The following CPXM2 variants were observed in gnomAD, a reference collection of about 807,000 sequenced individuals.
CPXM2 encodes the protein carboxypeptidase X, M14 family member 2.
CPXM2 carries 66 observed loss-of-function variants against 86.1 expected under a neutral mutation model. That is an observed-to-expected ratio of 0.77 (90% confidence interval 0.63 to 0.94). The LOEUF is 0.94. CPXM2 is among the 40% of genes least tolerant of loss of function. CPXM2 has a pLI of 0.00. For missense variants in CPXM2, 948 were observed against 1,026.3 expected (o/e 0.92, Z 1.04); for synonymous variants, 388 against 400.2 (o/e 0.97, Z 0.36).
At chr10:123,761,810 G>C (rs909957120) in intron 11 of CPXM2, 62 bp downstream of exon 11, 38 of 1,512,412 alleles carry the variant, frequency 2.5e-5, no homozygotes, top group African/African-American at 4.1e-5. Context: ...GGAGGGCCAG[G>C]AGGAGACCCC....
chr10:123,857,560 AGATGGAAG>A (rs1389237498), intron 3 of CPXM2, among the ~76,000 whole-genome samples: 2 of 122,190 alleles, frequency 1.6e-5, no homozygotes, highest in Non-Finnish European at 3.6e-5. Context: ...GGCGGCGTGG[AGATGGAAG>A]GCGGCGTGGA....
At chr10:123,781,406 T>A (rs552086771) in intron 6 of CPXM2, among the ~76,000 whole-genome samples, 3 of 152,142 alleles carry the variant, frequency 2.0e-5, no homozygotes, top group Non-Finnish European at 4.4e-5. Context: ...GGAGGGCAAC[T>A]GGGAAGAGAC....
Position 123,787,291 on chromosome 10 carries a change from A to T in CPXM2, c.890-7036T>A, listed in dbSNP as rs561893366. On this transcript the variant is annotated intron_variant, in intron 6 of 13. Coordinates refer to ENST00000241305, the MANE Select transcript of CPXM2 (RefSeq NM_198148.3). ...CCCAGGTGGGCTTGGCAGCATCAGAACCCATCTCACCCTCACTCTTGCTGG... is the reference window on the plus strand; with the variant it reads ...CCCAGGTGGGCTTGGCAGCATCAGATCCCATCTCACCCTCACTCTTGCTGG... 6.6e-5 allele frequency among the ~76,000 whole-genome samples: 10 copies of T among 152,246 alleles called. No individual in the cohort carries two copies. In the South Asian group the frequency reaches 1.2e-3, roughly 19 times the overall value.
chr10:123,892,789 AC>A (rs1240028823), upstream of CPXM2, among the ~76,000 whole-genome samples: 3 of 152,232 alleles, frequency 2.0e-5, no homozygotes, highest in East Asian at 5.8e-4. Flanking sequence ...CGGTAGTAGG[AC>A]TGACGTGCAG....
In CPXM2 at chr10:123,842,429, G is replaced by A; in HGVS notation, c.573C>T (p.Leu191=). Residue 191 remains leucine (L), a synonymous_variant, in exon 4 of 14, where the codon CTC becomes CTT. Coordinates refer to ENST00000241305, the MANE Select transcript of CPXM2 (RefSeq NM_198148.3). ...GAGCATCCACTTCAATCCACTGCTGGAGGTCATTTCTTCCCGCGCACCACG... is the reference window on the plus strand; with the variant it reads ...GAGCATCCACTTCAATCCACTGCTGAAGGTCATTTCTTCCCGCGCACCACG... ...DGAWCAGRND[L]QQWIEVDARR... The A allele has an allele frequency of 6.2e-7, 1 of 1,614,214 alleles. No individual in the cohort carries two copies. The highest frequency in any genetic ancestry group is 8.5e-7 in the Non-Finnish European group (1 of 1,180,040).
At position 123,754,586 on chromosome 10, in the gene CPXM2, T is replaced by G. The variant is rs575329666; in HGVS notation, c.2017+77A>C. ...TAAGACATTTCTGGCAGTCATTTCA[T>G]GATTGTAACCCAAGTAAAATGCCTA... is the stretch of plus-strand genomic sequence containing the variant. On this transcript the variant is annotated intron_variant, in intron 13 of 13. Transcript: ENST00000241305. The surrounding 1 kb of genome is among the most constrained non-coding windows in gnomAD (Gnocchi z 4.0). 2.3e-5 allele frequency: 18 copies of G among 796,412 alleles called. No individual in the cohort carries two copies. In the East Asian group the frequency reaches 4.4e-4, roughly 20 times the overall value. 49.3% of individuals were successfully genotyped at this position (796,412 alleles called of 1,614,324 possible).
chr10:123,918,568 C>T (rs1331306392), intron 2 of CPXM2, among the ~76,000 whole-genome samples: 1 of 152,154 alleles, frequency 6.6e-6, no homozygotes, highest in Non-Finnish European at 1.5e-5. Context: ...GTTATGTGCA[C>T]AGAATAAGTT....
chr10:123,758,591 G>T (rs987737960), intron 11 of CPXM2, among the ~76,000 whole-genome samples: 2 of 152,148 alleles, frequency 1.3e-5, no homozygotes, highest in Non-Finnish European at 2.9e-5. Flanking sequence ...CAGGTGTGGG[G>T]TTCTAGAAAG....
At chr10:123,757,796 G>A (rs752924699) in intron 11 of CPXM2, among the ~76,000 whole-genome samples, 3 of 152,062 alleles carry the variant, frequency 2.0e-5, no homozygotes, top group Non-Finnish European at 2.9e-5. Context: ...CAAAAACTGC[G>A]ATCCTTAACC....
intron 3 of CPXM2, among the ~76,000 whole-genome samples, chr10:123,858,106 A>T (rs1310830427): frequency 2.0e-5 from 3 of 152,220 alleles, no homozygotes; most frequent in Non-Finnish European, 4.4e-5. Context: ...GTCACACATG[A>T]ACCAATGCTG....
chr10:123,933,709 C>T (rs1472759744), intron 2 of CPXM2, among the ~76,000 whole-genome samples: 1 of 151,758 alleles, frequency 6.6e-6, no homozygotes, highest in Admixed American at 6.6e-5. Context: ...CAGAGCGAGA[C>T]CATGTCTCTG....
intron 4 of CPXM2, among the ~76,000 whole-genome samples, chr10:123,818,046 A>G (rs1434818342): frequency 6.6e-6 from 1 of 152,190 alleles, no homozygotes; most frequent in Admixed American, 6.5e-5. Context: ...AAAGTTGGTG[A>G]AGAGAGGAAG....
intron 4 of CPXM2, among the ~76,000 whole-genome samples, chr10:123,800,030 T>G (rs1034520510): frequency 1.8e-5 from 2 of 111,276 alleles, no homozygotes; most frequent in African/African-American, 9.2e-5. Flanking sequence ...GTTTTTTGGT[T>G]TTTTTTTTTT....
In CPXM2 at chr10:123,809,199, G is replaced by A. The variant is rs1010904050; in HGVS notation, c.654-10000C>T. On this transcript the variant is annotated intron_variant, in intron 4 of 13. Coordinates refer to ENST00000241305, the MANE Select transcript of CPXM2 (RefSeq NM_198148.3). ...TATAACCTTTATTTTATTTAAGAAC[G>A]GCCCCAAAGTGCAAGAAGTAGGGAT... Among the ~76,000 whole-genome samples, 9 of 152,046 alleles carry A rather than the reference G, an allele frequency of 5.9e-5. No individual in the cohort carries two copies. The South Asian group carries it at 1.2e-3, about 21-fold the overall frequency.
intron 4 of CPXM2, among the ~76,000 whole-genome samples, chr10:123,802,995 TTGTC>T (rs1363946485): frequency 1.3e-5 from 2 of 152,044 alleles, no homozygotes; most frequent in African/African-American, 4.8e-5. Context: ...TTCAATTAAG[TTGTC>T]TGTCTTTCTC....
chr10:123,902,462 C>T (rs28571706), intron 2 of CPXM2, among the ~76,000 whole-genome samples: 2,479 of 152,072 alleles, frequency 0.016, 19 homozygotes, highest in Middle Eastern at 0.034. Flanking sequence ...TGTCTTAGTC[C>T]ATTAGGGCTG....
At chr10:123,887,640 A>G (rs975717582) in intron 1 of CPXM2, among the ~76,000 whole-genome samples, 1 of 152,108 alleles carries the variant, frequency 6.6e-6, no homozygotes, top group Non-Finnish European at 1.5e-5. Flanking sequence ...GTCCAGGGAC[A>G]CTGCTAAACA....
In CPXM2 at chr10:123,862,772, A is replaced by G. The variant is rs187427599; in HGVS notation, c.404-49T>C. The G allele has an allele frequency of 1.9e-4, 287 of 1,502,220 alleles. No individual in the cohort carries two copies. The African/African-American group carries it at 3.4e-3, about 18-fold the overall frequency. The allele number at this position is 1,502,220 out of a possible 1,614,324, so 93.1% of individuals were successfully genotyped here. A position where few individuals can be genotyped will look rare whatever the true frequency, so the allele number is the denominator to read the frequency against. On this transcript the variant is annotated intron_variant, in intron 2 of 13. Transcript: ENST00000241305. ...AAAACAACGACAGATGCTGAAAGGG[A>G]TGAGTTTCTTATTTTCTAAATCTGG...
chr10:123,791,706 A>G (rs1409085029), intron 6 of CPXM2, among the ~76,000 whole-genome samples: 2 of 152,214 alleles, frequency 1.3e-5, no homozygotes, highest in African/African-American at 4.8e-5. Context: ...CTGTTTCTAA[A>G]TAAGATCACA....
Sources: allele counts gnomAD v4.1 joint callset (sites outside exome capture counted in the v4.1 genomes callset), GRCh38; gene constraint gnomAD v4.1.1; non-coding constraint Gnocchi (gnomAD v3.1); transcripts MANE v1.5; gene names NCBI Gene and HGNC (gene_info 2026-07-23, HGNC 2026-07-21).